PSPC1: variants seen among roughly 807,000 people sequenced by gnomAD.
The protein encoded by PSPC1 is paraspeckle component 1.
Under a neutral mutation model 51.6 loss-of-function variants are expected in PSPC1, and 14 were observed. The observed-to-expected ratio is 0.27, with a 90% CI of 0.18 to 0.42. The LOEUF (loss-of-function observed/expected upper bound fraction) is 0.42, where lower values mean the gene tolerates loss of function less well. PSPC1 is among the 10% of genes least tolerant of loss of function. The pLI, the probability that PSPC1 is intolerant of heterozygous loss-of-function variation, is 1.00. For missense variants in PSPC1, 406 were observed against 701.1 expected (o/e 0.58, Z 4.75); for synonymous variants, 193 against 231.9 (o/e 0.83, Z 1.53).
chr13:19,766,514 G>A (rs773542414), intron 2 of PSPC1, among the ~76,000 whole-genome samples: 3 of 151,984 alleles, frequency 2.0e-5, no homozygotes, highest in African/African-American at 4.8e-5. Flanking sequence ...GCCACATGGC[G>A]AAAATACAAA....
Position 19,741,476 on chromosome 13 carries a change from T to C in PSPC1, c.1052+89A>G, listed in dbSNP as rs1885426122. ...GGCAATTTTTCTATTTTTCCTGTGA[T>C]ACTCAACTTATACAACTTGTAACAG... On this transcript the variant is annotated intron_variant, in intron 5 of 8. Coordinates refer to ENST00000338910, the MANE Select transcript of PSPC1 (RefSeq NM_001354909.2). 13 of 903,928 alleles carry C rather than the reference T, an allele frequency of 1.4e-5. No individual in the cohort carries two copies. The Admixed American group carries it at 1.8e-4, about 13-fold the overall frequency. 56.0% of individuals were successfully genotyped at this position (903,928 alleles called of 1,614,324 possible).
chr13:19,767,349 C>G (rs934178126), intron 2 of PSPC1, among the ~76,000 whole-genome samples: 1 of 151,948 alleles, frequency 6.6e-6, no homozygotes, highest in Non-Finnish European at 1.5e-5. Context: ...TTTTAAAATG[C>G]TTACAAATCA....
chr13:19,747,716 A>T (rs552333654), intron 4 of PSPC1, among the ~76,000 whole-genome samples: 1 of 152,288 alleles, frequency 6.6e-6, no homozygotes, highest in Admixed American at 6.5e-5. Flanking sequence ...TTTTTTCATT[A>T]AAGAATACAA....
At chr13:19,671,861 G>A (rs541458851), downstream of PSPC1, 1 of 1,614,038 alleles carries the variant, frequency 6.2e-7, no homozygotes, top group Admixed American at 1.7e-5. Flanking sequence ...TGCATACAGA[G>A]TGCAGCTGCA....
intron 6 of PSPC1, among the ~76,000 whole-genome samples, chr13:19,685,048 T>G (rs1299525409): frequency 6.6e-6 from 1 of 152,188 alleles, no homozygotes; most frequent in African/African-American, 2.4e-5. Context: ...TTTGAGAAAT[T>G]TAGACTATAT....
chr13:19,760,852 G>A (rs1315857738), intron 2 of PSPC1, among the ~76,000 whole-genome samples: 6 of 152,046 alleles, frequency 3.9e-5, no homozygotes, highest in Non-Finnish European at 5.9e-5. Context: ...GCCGGGCGTG[G>A]TGGTGCACGC....
At chr13:19,685,403 A>G (rs1199276085) in intron 6 of PSPC1, among the ~76,000 whole-genome samples, 1 of 152,248 alleles carries the variant, frequency 6.6e-6, no homozygotes, top group Non-Finnish European at 1.5e-5. Flanking sequence ...ATGTGGTATA[A>G]AGAAATCCTA....
intron 6 of PSPC1, among the ~76,000 whole-genome samples, chr13:19,725,047 C>T (rs376219783): frequency 1.6e-4 from 24 of 151,986 alleles, no homozygotes; most frequent in African/African-American, 2.7e-4. Context: ...CGTGGTGGCG[C>T]GTGCCTGTAA....
chr13:19,696,923 T>C (rs1242777169), intron 6 of PSPC1, among the ~76,000 whole-genome samples: 1 of 152,234 alleles, frequency 6.6e-6, no homozygotes, highest in Non-Finnish European at 1.5e-5. Context: ...TTCAAAAATG[T>C]ATGATAAATG....
At chr13:19,702,228 G>A (rs550097515), downstream of PSPC1, among the ~76,000 whole-genome samples, 1 of 152,276 alleles carries the variant, frequency 6.6e-6, no homozygotes, top group Admixed American at 6.5e-5. Context: ...CCAAATTTTA[G>A]GGAAATATTT....
intron 4 of PSPC1, among the ~76,000 whole-genome samples, chr13:19,745,278 C>A (rs918990781): frequency 1.3e-5 from 2 of 152,106 alleles, no homozygotes; most frequent in Non-Finnish European, 2.9e-5. Context: ...GAGATTATGC[C>A]AACGCAGTCC....
At chr13:19,742,518 C>A (rs1425446419) in intron 4 of PSPC1, among the ~76,000 whole-genome samples, 2 of 152,124 alleles carry the variant, frequency 1.3e-5, no homozygotes, top group Non-Finnish European at 2.9e-5. Context: ...GCAGGCGGAT[C>A]ACCTGAGGTT....
At position 19,732,115 on chromosome 13, in the gene PSPC1, A is replaced by G. The variant is rs375975778; in HGVS notation, c.1053-1771T>C. The stretch of plus-strand genomic sequence containing the variant: ...GATTTCTTCTATTACCAGAGAAAAA[A>G]CTCAGAACTTCATGTCAGACAACAT... On this transcript the variant is annotated intron_variant, in intron 5 of 8. Transcript: ENST00000338910. 1.3e-3 allele frequency among the ~76,000 whole-genome samples: 198 copies of G among 152,210 alleles called. 1 individual carries two copies. Among genetic ancestry groups the G allele is most frequent in the African/African-American group, 4.5e-3 (186 of 41,548 alleles).
At chr13:19,678,592 T>TG (rs1357582900) in intron 6 of PSPC1, 1 of 152,166 alleles carries the variant, frequency 6.6e-6, no homozygotes, top group Non-Finnish European at 1.5e-5. Flanking sequence ...TCAATTTGCC[T>TG]GAGAATTGGA....
At chr13:19,762,013 G>A (rs573981058) in intron 2 of PSPC1, among the ~76,000 whole-genome samples, 22 of 152,276 alleles carry the variant, frequency 1.4e-4, no homozygotes, top group Admixed American at 2.6e-4. Flanking sequence ...AAGGGAAACC[G>A]TAATCAGAAT....
At chr13:19,703,925 T>C (rs1880285565) in intron 8 of PSPC1, among the ~76,000 whole-genome samples, 1 of 152,180 alleles carries the variant, frequency 6.6e-6, no homozygotes, top group Admixed American at 6.5e-5. Context: ...GGGAAAATAG[T>C]TTTAAAAATT....
chr13:19,780,249 C>T (rs1422018372), intron 1 of PSPC1, among the ~76,000 whole-genome samples: 22 of 142,566 alleles, frequency 1.5e-4, no homozygotes, highest in African/African-American at 3.3e-4. Flanking sequence ...CGCCTCTGCC[C>T]GGCCGCCCCT....
chr13:19,734,997 C>CA (rs34384488), intron 5 of PSPC1, among the ~76,000 whole-genome samples: 90,434 of 147,240 alleles, frequency 0.61, 31,633 homozygotes, highest in East Asian at 0.88. Flanking sequence ...AACAAACAAA[C>CA]AAACAAAAAA....
intron 5 of PSPC1, among the ~76,000 whole-genome samples, chr13:19,740,740 A>AT (rs1175675559): frequency 6.6e-6 from 1 of 152,186 alleles, no homozygotes; most frequent in African/African-American, 2.4e-5. Flanking sequence ...GTGGGTTTAT[A>AT]TATCTTGAAT....
Sources: allele counts gnomAD v4.1 joint callset (sites outside exome capture counted in the v4.1 genomes callset), GRCh38; gene constraint gnomAD v4.1.1; transcripts MANE v1.5; gene names NCBI Gene and HGNC (gene_info 2026-07-23, HGNC 2026-07-21).